Variants in MRTFB observed in about 807,000 individuals in gnomAD.
The protein encoded by MRTFB is myocardin-related transcription factor B.
MRTFB carries 29 observed loss-of-function variants against 104.2 expected under a neutral mutation model. The observed-to-expected ratio is 0.28, with a 90% CI of 0.21 to 0.38. The LOEUF (loss-of-function observed/expected upper bound fraction) is 0.38, where lower values mean the gene tolerates loss of function less well. Among genes scored for constraint, MRTFB ranks in the 10% least tolerant of loss-of-function variants. The probability of loss-of-function intolerance (pLI) is 1.00; values close to 1 mark genes in which losing one functional copy is unlikely to be tolerated. For synonymous variants in MRTFB, 535 were observed against 519.5 expected (o/e 1.03, Z -0.41); for missense variants, 1,270 against 1,341.6 (o/e 0.95, Z 0.83).
At chr16:14,145,887 G>A (rs544445132) in intron 3 of MRTFB, among the ~76,000 whole-genome samples, 94 of 152,324 alleles carry the variant, frequency 6.2e-4, no homozygotes, top group African/African-American at 1.7e-3. Flanking sequence ...AGACAAAGTG[G>A]GTAGAAACAA....
chr16:14,080,206 A>C (rs558008403), intron 2 of MRTFB, among the ~76,000 whole-genome samples: 1 of 152,220 alleles, frequency 6.6e-6, no homozygotes, highest in African/African-American at 2.4e-5. Flanking sequence ...TACACATTTA[A>C]AATGTTGAGA....
the MRTFB span, among the ~76,000 whole-genome samples, chr16:14,008,768 A>G: frequency 6.6e-6 from 1 of 152,270 alleles, no homozygotes; most frequent in African/African-American, 2.4e-5. Flanking sequence ...TCAATTTGAG[A>G]AGTTTTGCTA....
At chr16:14,049,121 G>A in the MRTFB span, among the ~76,000 whole-genome samples, 1 of 152,186 alleles carries the variant, frequency 6.6e-6, no homozygotes, top group Admixed American at 6.5e-5. Context: ...TAGAGGCCAA[G>A]GATGCTGCTA....
At chr16:14,025,871 A>G in the MRTFB span, among the ~76,000 whole-genome samples, 1 of 152,230 alleles carries the variant, frequency 6.6e-6, no homozygotes, top group Non-Finnish European at 1.5e-5. Context: ...ACAGAATGTC[A>G]TTTACAATCA....
rs763372328 is a variant in MRTFB, at chr16:14,265,508, G to A, written c.*4064G>A. 3.3e-5 allele frequency: 5 copies of A among 152,194 alleles called. No individual in the cohort carries two copies. The highest frequency in any genetic ancestry group is 7.3e-5 in the Non-Finnish European group (5 of 68,042). The allele number at this position is 152,194 out of a possible 1,614,324, so 9.4% of individuals were successfully genotyped here. ...AAAACTGGAAAACAACTAAGATGTA[G>A]TAATTTTTTTTTCCTGGTTCAAACC... On this transcript the variant is annotated 3_prime_UTR_variant, in exon 17 of 17. Coordinates refer to ENST00000571589, the MANE Select transcript of MRTFB (RefSeq NM_001308142.2).
chr16:14,158,036 G>GT (rs1012982359), intron 3 of MRTFB, among the ~76,000 whole-genome samples: 6 of 152,140 alleles, frequency 3.9e-5, no homozygotes, highest in South Asian at 2.1e-4. Flanking sequence ...AAGCTATATG[G>GT]TTTTTATAAG....
chr16:14,038,784 T>C, the MRTFB span, among the ~76,000 whole-genome samples: 1 of 152,170 alleles, frequency 6.6e-6, no homozygotes, highest in Admixed American at 6.5e-5. Context: ...CTAACACTGC[T>C]GATAAAGACA....
Position 14,261,381 on chromosome 16 carries a change from C to A in MRTFB, c.3237C>A (p.Thr1079=). 1.2e-6 allele frequency: 2 copies of A among 1,613,982 alleles called. No homozygotes were observed. The highest frequency in any genetic ancestry group is 1.7e-6 in the Non-Finnish European group (2 of 1,179,906). The change falls in exon 17 of 17, where the codon ACC becomes ACA. Residue 1079 remains threonine (T), a synonymous_variant. Transcript: ENST00000571589. ...SSSGLTPLST[T]APSMFSADFL... ...CAGGACTCACTCCTCTCAGCACCACCGCGCCGAGCATGTTCTCTGCTGACT... is the reference window on the plus strand; with the variant it reads ...CAGGACTCACTCCTCTCAGCACCACAGCGCCGAGCATGTTCTCTGCTGACT...
At chr16:14,034,848 G>A in the MRTFB span, among the ~76,000 whole-genome samples, 8 of 152,108 alleles carry the variant, frequency 5.3e-5, no homozygotes, top group South Asian at 2.1e-4. Context: ...GACACAATTC[G>A]ACCCCTAACA....
At chr16:14,216,902 C>G (rs1348828878) in intron 6 of MRTFB, among the ~76,000 whole-genome samples, 1 of 152,188 alleles carries the variant, frequency 6.6e-6, no homozygotes, top group Non-Finnish European at 1.5e-5. Flanking sequence ...TAATTTGAGT[C>G]TGTGGGCATC....
chr16:14,116,206 C>A lies in MRTFB; in HGVS notation c.-63-24338C>A, dbSNP rs76351886. Among the ~76,000 whole-genome samples, 545 of 152,096 alleles carry A rather than the reference C, an allele frequency of 3.6e-3. 1 individual carries two copies. The highest frequency in any genetic ancestry group is 0.013 in the African/African-American group (521 of 41,472). On this transcript the variant is annotated intron_variant, in intron 2 of 16. Transcript: ENST00000571589. The stretch of plus-strand genomic sequence containing the variant: ...AAACATATTTCTTCTGTTCCATAGT[C>A]CTGCTTACCTATTGACTGTACCTTC...
the MRTFB span, among the ~76,000 whole-genome samples, chr16:14,026,392 C>A: frequency 6.6e-6 from 1 of 152,094 alleles, no homozygotes; most frequent in Non-Finnish European, 1.5e-5. Flanking sequence ...AGCCTCACAA[C>A]TTATGCAAAA....
At chr16:14,112,995 A>G (rs931491365) in intron 2 of MRTFB, among the ~76,000 whole-genome samples, 2 of 152,144 alleles carry the variant, frequency 1.3e-5, no homozygotes, top group Admixed American at 6.6e-5. Flanking sequence ...ATATTACACG[A>G]GGGCAGAAAT....
At chr16:14,014,520 C>T in the MRTFB span, among the ~76,000 whole-genome samples, 7 of 151,606 alleles carry the variant, frequency 4.6e-5, no homozygotes, top group African/African-American at 7.3e-5. Flanking sequence ...TGCGCCACTG[C>T]GCTCCAACAT....
intron 8 of MRTFB, among the ~76,000 whole-genome samples, chr16:14,221,615 A>G (rs1046149237): frequency 6.6e-5 from 10 of 152,182 alleles, no homozygotes; most frequent in African/African-American, 2.4e-4. Context: ...ATAATAAAAG[A>G]GCAACATACA....
chr16:14,016,006 C>T, the MRTFB span: 1 of 398,650 alleles, frequency 2.5e-6, no homozygotes, highest in Non-Finnish European at 4.4e-6. Flanking sequence ...CTACTTCTGC[C>T]TCTACCCTAT....
At chr16:14,230,364 A>G (rs998053399) in intron 8 of MRTFB, among the ~76,000 whole-genome samples, 3 of 152,182 alleles carry the variant, frequency 2.0e-5, no homozygotes, top group African/African-American at 4.8e-5. Flanking sequence ...AATGGGAGAA[A>G]ATTTTCGCAA....
In MRTFB at chr16:14,181,204, AT is replaced by A. The variant is rs76675685; in HGVS notation, c.155-29030del. On this transcript the variant is annotated intron_variant, in intron 3 of 16. Transcript: ENST00000571589. ...GTGTTCTTTGTTTAAATAAAAAAAAATTTTTTTTTAATTAACCGTTGGGATT... is the reference window on the plus strand; with the variant it reads ...GTGTTCTTTGTTTAAATAAAAAAAAATTTTTTTTAATTAACCGTTGGGATT... 2.0e-4 allele frequency among the ~76,000 whole-genome samples: 31 copies of A among 151,884 alleles called. No individual in the cohort carries two copies. The East Asian group carries it at 2.1e-3, about 10-fold the overall frequency.
At chr16:14,156,999 A>G (rs528041185) in intron 3 of MRTFB, among the ~76,000 whole-genome samples, 1 of 152,330 alleles carries the variant, frequency 6.6e-6, no homozygotes, top group Admixed American at 6.5e-5. Context: ...TGCAAAGGAA[A>G]AGGTCTTGCA....
Sources: gnomAD v4.1 joint callset for allele counts (sites outside exome capture counted in the v4.1 genomes callset) on GRCh38, gnomAD v4.1.1 for gene constraint, MANE v1.5 for transcripts, NCBI Gene and HGNC (gene_info 2026-07-23, HGNC 2026-07-21) for gene names.